The following FAR2 variants were observed in gnomAD, a reference collection of about 807,000 sequenced individuals.
The protein encoded by FAR2 is epididymis secretory protein Li 81.
A neutral mutation model predicts 56.0 loss-of-function variants in FAR2; 19 were observed. That is an observed-to-expected ratio of 0.34 (90% confidence interval 0.24 to 0.50). The LOEUF (loss-of-function observed/expected upper bound fraction) is 0.50. Among genes scored for constraint, FAR2 ranks in the 20% least tolerant of loss-of-function variants. The pLI is 0.98. For synonymous variants in FAR2, 219 were observed against 218.8 expected (o/e 1.00, Z -0.01); for missense variants, 508 against 642.2 (o/e 0.79, Z 2.26).
intron 6 of FAR2, 129 bp from the exon 7 acceptor site, chr12:29,310,899 G>C: frequency 1.4e-6 from 1 of 706,886 alleles, no homozygotes; most frequent in Non-Finnish European, 2.5e-6. Context: ...ATAAGAACCT[G>C]GTAAGCAGTG....
intron 1 of FAR2, among the ~76,000 whole-genome samples, chr12:29,195,514 G>A (rs11050112): frequency 0.14 from 21,956 of 152,124 alleles, 1,728 homozygotes; most frequent in South Asian, 0.28. Flanking sequence ...AAAGAGTAAA[G>A]TAGTAAAGAT....
chr12:29,321,429 A>T (rs114824819), intron 9 of FAR2, among the ~76,000 whole-genome samples: 2,452 of 152,280 alleles, frequency 0.016, 65 homozygotes, highest in African/African-American at 0.05. Flanking sequence ...ACCCTGTCTC[A>T]AAAAGAAAGA....
intron 1 of FAR2, among the ~76,000 whole-genome samples, chr12:29,160,994 A>G (rs1949777174): frequency 1.3e-5 from 2 of 152,232 alleles, no homozygotes; most frequent in Non-Finnish European, 1.5e-5. Flanking sequence ...ACAATGGAAA[A>G]TGAGATGAAA....
intron 1 of FAR2, among the ~76,000 whole-genome samples, chr12:29,270,002 C>G (rs1948587671): frequency 6.6e-6 from 1 of 152,188 alleles, no homozygotes; most frequent in African/African-American, 2.4e-5. Context: ...TGACCCCAGC[C>G]CTTCTCTGCC....
intron 1 of FAR2, among the ~76,000 whole-genome samples, chr12:29,220,007 CA>C (rs779871546): frequency 1.3e-5 from 2 of 152,124 alleles, no homozygotes; most frequent in African/African-American, 2.4e-5. Context: ...CATTACAAAT[CA>C]AGGAATTTTA....
At chr12:29,282,263 C>T (rs1948798441) in intron 2 of FAR2, 1 of 152,196 alleles carries the variant, frequency 6.6e-6, no homozygotes. Flanking sequence ...GTCTTCATGT[C>T]ACTCGAGACT....
At chr12:29,172,831 TA>T (rs1313025700) in intron 1 of FAR2, among the ~76,000 whole-genome samples, 1 of 152,210 alleles carries the variant, frequency 6.6e-6, no homozygotes, top group East Asian at 1.9e-4. Context: ...GACTTTTTCC[TA>T]ATTCTTAGTC....
Position 29,333,676 on chromosome 12 carries a change from T to A in FAR2, c.1430T>A (p.Ile477Asn). The change falls in exon 12 of 12, where the codon ATC (isoleucine) becomes AAC (asparagine). Residue 477 changes from isoleucine to asparagine, a missense_variant. Coordinates refer to ENST00000536681, the MANE Select transcript of FAR2 (RefSeq NM_001271783.2). ...CTCTTTAATACTGCCCTCTTCCTTATCGCCTGGCGCCTTCTCATTGCAAGA... is the reference window on the plus strand; with the variant it reads ...CTCTTTAATACTGCCCTCTTCCTTAACGCCTGGCGCCTTCTCATTGCAAGA... ...HYLFNTALFL[I>N]AWRLLIARSQ... 9 of 1,613,874 alleles carry A rather than the reference T, an allele frequency of 5.6e-6. No homozygotes were observed. The highest frequency in any genetic ancestry group is 7.6e-6 in the Non-Finnish European group (9 of 1,179,770).
chr12:29,264,285 A>C (rs1948474682), intron 1 of FAR2, among the ~76,000 whole-genome samples: 1 of 152,184 alleles, frequency 6.6e-6, no homozygotes, highest in African/African-American at 2.4e-5. Flanking sequence ...CCTTTGTGAT[A>C]AAAACACTCA....
chr12:29,293,317 A>G lies in FAR2; in HGVS notation c.207A>G (p.Lys69=). ...ILDSKLFEKV[K]EVCPNVHEKI... ...TGTTTCAGCTATTTGAGAAAGTCAA[A>G]GAAGTTTGTCCAAATGTGCATGAGA... The change falls in exon 3 of 12, where the codon AAA becomes AAG. Residue 69 remains lysine, a synonymous_variant. Coordinates refer to ENST00000536681, the MANE Select transcript of FAR2 (RefSeq NM_001271783.2). The G allele has an allele frequency of 1.3e-6, 2 of 1,581,850 alleles. No individual in the cohort carries two copies. Among genetic ancestry groups the G allele is most frequent in the Non-Finnish European group, 1.7e-6 (2 of 1,167,596 alleles).
At chr12:29,276,183 G>T (rs909453807) in intron 2 of FAR2, among the ~76,000 whole-genome samples, 4 of 152,164 alleles carry the variant, frequency 2.6e-5, no homozygotes, top group Non-Finnish European at 5.9e-5. Context: ...GAGTCTCTGC[G>T]TCTTTCTCTC....
intron 2 of FAR2, among the ~76,000 whole-genome samples, chr12:29,289,345 C>A (rs888277359): frequency 1.3e-5 from 2 of 152,112 alleles, no homozygotes; most frequent in Admixed American, 6.5e-5. Flanking sequence ...TAAAAACAGA[C>A]ACACAGACCA....
chr12:29,152,060 G>A (rs778332674), intron 1 of FAR2, among the ~76,000 whole-genome samples: 101 of 152,262 alleles, frequency 6.6e-4, no homozygotes, highest in Non-Finnish European at 1.1e-3. Context: ...TATTCAGTGT[G>A]TTAAATACTC....
intron 10 of FAR2, among the ~76,000 whole-genome samples, chr12:29,325,995 A>T (rs897030676): frequency 5.9e-5 from 9 of 152,220 alleles, no homozygotes; most frequent in Admixed American, 3.3e-4. Context: ...CAAAATTGAT[A>T]GACTGCTAGC....
intron 10 of FAR2, among the ~76,000 whole-genome samples, chr12:29,331,200 T>C (rs1035506367): frequency 2.8e-5 from 4 of 142,318 alleles, no homozygotes; most frequent in African/African-American, 1.0e-4. Flanking sequence ...AACTCTCCAC[T>C]AAAGATAGGC....
At chr12:29,260,711 C>T (rs577086790) in intron 1 of FAR2, among the ~76,000 whole-genome samples, 2 of 152,262 alleles carry the variant, frequency 1.3e-5, no homozygotes, top group South Asian at 4.1e-4. Flanking sequence ...GTTCCTGTCT[C>T]CAGGCCCTGG....
At chr12:29,232,016 T>C (rs1194126243) in intron 1 of FAR2, among the ~76,000 whole-genome samples, 1 of 152,164 alleles carries the variant, frequency 6.6e-6, no homozygotes, top group Non-Finnish European at 1.5e-5. Context: ...CCTATGAAAT[T>C]GAAAAAGAAC....
chr12:29,295,666 G>T (rs1949053975), intron 3 of FAR2, among the ~76,000 whole-genome samples: 1 of 149,614 alleles, frequency 6.7e-6, no homozygotes, highest in Non-Finnish European at 1.5e-5. Context: ...TGATGAATTT[G>T]ATATATTTTA....
At chr12:29,309,803 C>A (rs1949316724) in intron 6 of FAR2, 1 of 152,530 alleles carries the variant, frequency 6.6e-6, no homozygotes, top group African/African-American at 2.4e-5. Flanking sequence ...GGTAAGCAGC[C>A]CTTAGTGCGC....
Sources: allele counts gnomAD v4.1 joint callset (sites outside exome capture counted in the v4.1 genomes callset), GRCh38; gene constraint gnomAD v4.1.1; transcripts MANE v1.5; gene names NCBI Gene and HGNC (gene_info 2026-07-23, HGNC 2026-07-21).